NAV3: variants seen among roughly 807,000 people sequenced by gnomAD.
NAV3 encodes the protein pore membrane and/or filament interacting like protein 1.
Under a neutral mutation model 244.7 loss-of-function variants are expected in NAV3, and 87 were observed. That is an observed-to-expected ratio of 0.36 (90% CI 0.30 to 0.42). The LOEUF is 0.42. Ranked by LOEUF, NAV3 falls within the 20% of genes least tolerant of loss-of-function variation. The pLI, the probability that NAV3 is intolerant of heterozygous loss-of-function variation, is 1.00. For missense variants in NAV3, 2,663 were observed against 2,893.3 expected (o/e 0.92, Z 1.83); for synonymous variants, 1,126 against 1,042.2 (o/e 1.08, Z -1.55).
At chr12:77,820,105 TG>T in intron 2 of NAV3, among the ~76,000 whole-genome samples, 1 of 152,080 alleles carries the variant, frequency 6.6e-6, no homozygotes, top group Middle Eastern at 3.2e-3. Context: ...TGTGTGTGTG[TG>T]TGTGCACACG....
At chr12:78,116,616 A>G (rs1010812133) in intron 12 of NAV3, among the ~76,000 whole-genome samples, 156 bp from the exon 13 acceptor site, 6 of 152,192 alleles carry the variant, frequency 3.9e-5, no homozygotes, top group Admixed American at 3.3e-4. Flanking sequence ...GTTCATATAA[A>G]TATGATTTTC....
intron 1 of NAV3, among the ~76,000 whole-genome samples, chr12:77,847,134 A>G (rs571079876): frequency 1.3e-5 from 2 of 152,158 alleles, no homozygotes; most frequent in African/African-American, 2.4e-5. Flanking sequence ...GACAGACAGG[A>G]TGTGGTCTAG....
rs142738563 is a variant in NAV3, at chr12:77,919,535, A to G, written c.244-20784A>G. On this transcript the variant is annotated intron_variant, in intron 1 of 39. Transcript: ENST00000397909. The stretch of plus-strand genomic sequence containing the variant: ...CATTAAGATATTTTCTTTGGTATTT[A>G]TCTACTTCTTAATCCCCCATTTTAC... Among the ~76,000 whole-genome samples the G allele has an allele frequency of 2.6e-3, 398 of 152,190 alleles. 4 individuals are homozygous for G. Among genetic ancestry groups the G allele is most frequent in the Middle Eastern group, 0.01 (3 of 294 alleles).
At chr12:77,978,604 T>C (rs1225069757) in intron 5 of NAV3, among the ~76,000 whole-genome samples, 1 of 152,074 alleles carries the variant, frequency 6.6e-6, no homozygotes, top group Non-Finnish European at 1.5e-5. Context: ...TTAAAGTCAA[T>C]AGCTATTGAA....
At position 78,119,512 on chromosome 12, in the gene NAV3, T is replaced by C. The variant is rs1593664120; in HGVS notation, c.3316T>C (p.Ser1106Pro). Residue 1106 changes from serine (S) to proline (P), a missense_variant, in exon 15 of 40, where the codon TCA (serine) becomes CCA (proline). This residue lies in a region of NAV3 where 1,521 missense variants were observed against 1,497.0 expected (regional missense o/e 1.02). Coordinates refer to ENST00000397909, the MANE Select transcript of NAV3 (RefSeq NM_001024383.2). ...IPKSAAIGGK[S>P]NAGRKTSLDG... ...AAAATCTGCTGCCATTGGCGGGAAG[T>C]CAAATGCAGGGAGAAAAACCAGTTT... 6.2e-7 allele frequency: 1 copy of C among 1,614,120 alleles called. No homozygotes were observed. Among genetic ancestry groups the C allele is most frequent in the East Asian group, 2.2e-5 (1 of 44,868 alleles).
At chr12:77,868,601 C>A (rs1880441329) in intron 1 of NAV3, among the ~76,000 whole-genome samples, 1 of 151,346 alleles carries the variant, frequency 6.6e-6, no homozygotes, top group Non-Finnish European at 1.5e-5. Flanking sequence ...ACTAAAAGTA[C>A]AAAAATAAGC....
chr12:77,852,321 A>T (rs12830621), intron 1 of NAV3, among the ~76,000 whole-genome samples: 6 of 151,988 alleles, frequency 3.9e-5, no homozygotes, highest in African/African-American at 9.7e-5. Flanking sequence ...GATAACCTGC[A>T]GTCAGGAATT....
At chr12:77,900,667 G>A (rs1281464051) in intron 1 of NAV3, among the ~76,000 whole-genome samples, 4 of 152,010 alleles carry the variant, frequency 2.6e-5, no homozygotes, top group Non-Finnish European at 5.9e-5. Context: ...ATAGTGCTGC[G>A]ATTAACATAC....
chr12:77,938,932 G>A (rs796548189), intron 1 of NAV3, among the ~76,000 whole-genome samples: 2 of 29,874 alleles, frequency 6.7e-5, no homozygotes, highest in African/African-American at 3.1e-4. Context: ...ATGTGATCTC[G>A]TGTGTGTGTG....
At chr12:77,899,176 A>G (rs1884973707) in intron 1 of NAV3, among the ~76,000 whole-genome samples, 1 of 152,242 alleles carries the variant, frequency 6.6e-6, no homozygotes. Flanking sequence ...TGCTGTAAAC[A>G]TTGTTGAAAT....
chr12:77,794,597 T>C (rs963875751), intron 2 of NAV3, among the ~76,000 whole-genome samples: 1 of 152,222 alleles, frequency 6.6e-6, no homozygotes, highest in Non-Finnish European at 1.5e-5. Flanking sequence ...TTTATTGTGC[T>C]TCACAAACGT....
chr12:78,074,680 G>T (rs1317338583), intron 12 of NAV3, among the ~76,000 whole-genome samples: 1 of 152,238 alleles, frequency 6.6e-6, no homozygotes, highest in East Asian at 1.9e-4. Flanking sequence ...CTCCAGCCTG[G>T]GTGACAAGAG....
chr12:77,722,601 A>C (rs1876688384), intron 2 of NAV3, among the ~76,000 whole-genome samples: 1 of 152,100 alleles, frequency 6.6e-6, no homozygotes, highest in African/African-American at 2.4e-5. Flanking sequence ...ATATTCTTCT[A>C]CAGTCTGGGA....
At chr12:78,090,701 A>G (rs891802209) in intron 12 of NAV3, among the ~76,000 whole-genome samples, 1 of 152,130 alleles carries the variant, frequency 6.6e-6, no homozygotes, top group African/African-American at 2.4e-5. Context: ...CAGGAACAAA[A>G]ACTGTTACGG....
In NAV3 at chr12:78,030,629, A is replaced by G. The variant is rs76255758; in HGVS notation, c.2023+8767A>G. Among the ~76,000 whole-genome samples the G allele has an allele frequency of 5.6e-3, 858 of 152,290 alleles. 8 individuals carry two copies. The highest frequency in any genetic ancestry group is 0.02 in the African/African-American group (820 of 41,572). The stretch of plus-strand genomic sequence containing the variant: ...GTCTTTTCAGTAATTATCACCTGGC[A>G]TCTTACACATGCCAGACATCTCAAA... On this transcript the variant is annotated intron_variant, in intron 9 of 39. Coordinates refer to ENST00000397909, the MANE Select transcript of NAV3 (RefSeq NM_001024383.2).
intron 8 of NAV3, among the ~76,000 whole-genome samples, chr12:78,016,107 C>T (rs534825005): frequency 6.6e-6 from 1 of 152,060 alleles, no homozygotes; most frequent in South Asian, 2.1e-4. Context: ...GCTCATCTTG[C>T]ACATTCCCTA....
At chr12:77,801,143 T>A (rs920244982) in intron 2 of NAV3, among the ~76,000 whole-genome samples, 1 of 152,158 alleles carries the variant, frequency 6.6e-6, no homozygotes, top group African/African-American at 2.4e-5. Context: ...ATGATAATGA[T>A]AAGCTGTATC....
At chr12:77,869,034 A>AAAACAAAC (rs368022962) in intron 1 of NAV3, among the ~76,000 whole-genome samples, 43 of 151,108 alleles carry the variant, frequency 2.8e-4, no homozygotes, top group African/African-American at 6.1e-4. Flanking sequence ...ATCGAGGTAA[A>AAAACAAAC]AAACAAACAA....
In NAV3 at chr12:77,677,580, T is replaced by A. The variant is rs545932404; in HGVS notation, c.72+105314T>A. On this transcript the variant is annotated intron_variant, in intron 2 of 8. Transcript: ENST00000550042. ...CACTTACTAGCTCTTAAGCAAGTTA[T>A]TCAACTACTCTAAACTTCATTGTCT... Among the ~76,000 whole-genome samples the A allele has an allele frequency of 1.7e-4, 26 of 152,338 alleles. No homozygotes were observed. In the South Asian group the frequency reaches 5.0e-3, roughly 29 times the overall value.
Sources: allele counts gnomAD v4.1 joint callset (sites outside exome capture counted in the v4.1 genomes callset), GRCh38; gene constraint gnomAD v4.1.1; regional missense constraint gnomAD v4.1.1; transcripts MANE v1.5; gene names NCBI Gene and HGNC (gene_info 2026-07-23, HGNC 2026-07-21).